The following SYNE1 variants were observed in gnomAD, a reference collection of about 807,000 sequenced individuals.
SYNE1 encodes the protein nesprin-1.
In SYNE1, 616 loss-of-function variants were observed where a neutral mutation model predicts 1,111.0. The ratio of observed to expected loss-of-function variants is 0.55; its 90% CI spans 0.52 to 0.59. The LOEUF (loss-of-function observed/expected upper bound fraction) is 0.59. Among genes scored for constraint, SYNE1 ranks in the 20% least tolerant of loss-of-function variants. The pLI is 0.00. For missense variants in SYNE1, 10,006 were observed against 10,417.0 expected, an observed-to-expected ratio of 0.96 and a Z score of 1.72; for synonymous variants, 3,855 against 3,825.8, an observed-to-expected ratio of 1.01 and a Z score of -0.28.
At position 152,376,532 on chromosome 6, in the gene SYNE1, C is replaced by G; in HGVS notation, c.9173G>C (p.Cys3058Ser). ...CTGTAAAATCTGTTCTTTATTCTGG[C>G]AGCCCTTGGATGCTTGCAAACAAAG... ...NCLCLQASKG[C>S]QNKEQILQQR... Residue 3058 changes from cysteine (C) to serine (S), a missense_variant, in exon 58 of 146, where the codon TGC (cysteine) becomes TCC (serine). By Grantham distance (112) the Cys-to-Ser change is moderately radical. Around this residue, in one of 7 missense-constraint regions of SYNE1, gnomAD observed 4,955 missense variants for 5,017.2 expected, o/e 0.99. Coordinates refer to ENST00000367255, the MANE Select transcript of SYNE1 (RefSeq NM_182961.4). The G allele has an allele frequency of 1.2e-6, 2 of 1,614,056 alleles. No homozygotes were observed. Among genetic ancestry groups the G allele is most frequent in the Non-Finnish European group, 1.7e-6 (2 of 1,180,028 alleles).
At position 152,381,039 on chromosome 6, in the gene SYNE1, A is replaced by C. The variant is rs1356916168; in HGVS notation, c.8976T>G (p.Asp2992Glu). 1 of 1,614,088 alleles carries C rather than the reference A, an allele frequency of 6.2e-7. No individual in the cohort carries two copies. Among genetic ancestry groups the C allele is most frequent in the South Asian group, 1.1e-5 (1 of 91,086 alleles). Residue 2992 changes from aspartate (D) to glutamate (E), a missense_variant, in exon 56 of 146, where the codon GAT becomes GAG. Asp to Glu is a conservative substitution (Grantham distance 45). Transcript: ENST00000367255. ...TGTGCCAGCATTCCACTATCTCCTC[A>C]TCCGTGTTCTTGCCTTCCAGGAGGG... ...QLTLLEGKNT[D>E]EEIVECWHKG...
intron 3 of SYNE1, among the ~76,000 whole-genome samples, chr6:152,626,712 C>T (rs566504800): frequency 6.6e-6 from 1 of 152,312 alleles, no homozygotes; most frequent in Admixed American, 6.5e-5. Context: ...TGAAGCATCA[C>T]AAACCAGTCC....
In SYNE1 at chr6:152,244,589, C is replaced by G; in HGVS notation, c.19640G>C (p.Gly6547Ala). Reference sequence around the variant, plus strand: ...CGGCTGCTCGACCTGTAGCTTGTCACCACGCCTCTTTAATTCAATGATTCC... The same window carrying G: ...CGGCTGCTCGACCTGTAGCTTGTCAGCACGCCTCTTTAATTCAATGATTCC... ...DAGIIELKRR[G>A]DKLQVEQPSM... The change falls in exon 106 of 146, where the codon GGT becomes GCT. Residue 6547 changes from glycine (G) to alanine (A), a missense_variant. Gly to Ala is a moderately conservative substitution (Grantham distance 60, BLOSUM62 0). Coordinates refer to ENST00000367255, the MANE Select transcript of SYNE1 (RefSeq NM_182961.4). 6.2e-7 allele frequency: 1 copy of G among 1,614,086 alleles called. No homozygotes were observed. Among genetic ancestry groups the G allele is most frequent in the East Asian group, 2.2e-5 (1 of 44,876 alleles).
At chr6:152,357,725 C>T (rs978204386) in intron 66 of SYNE1, among the ~76,000 whole-genome samples, 4 of 152,150 alleles carry the variant, frequency 2.6e-5, no homozygotes, top group Non-Finnish European at 4.4e-5. Flanking sequence ...GAAATCATAT[C>T]TTAATCATCT....
At chr6:152,171,764 T>C (rs991834445) in intron 130 of SYNE1, among the ~76,000 whole-genome samples, 6 of 152,192 alleles carry the variant, frequency 3.9e-5, no homozygotes, top group Non-Finnish European at 7.3e-5. Context: ...AGGCCACCTG[T>C]TTTGGTAAAC....
intron 3 of SYNE1, among the ~76,000 whole-genome samples, chr6:152,616,295 C>T (rs117042040): frequency 3.3e-5 from 5 of 152,196 alleles, no homozygotes; most frequent in Non-Finnish European, 2.9e-5. Flanking sequence ...AGTGTTGGGC[C>T]GGGCACGGTC....
At chr6:152,608,177 T>C (rs28488228) in intron 3 of SYNE1, among the ~76,000 whole-genome samples, 1 of 151,598 alleles carries the variant, frequency 6.6e-6, no homozygotes. Flanking sequence ...AATAAATAAA[T>C]AATAAAAAAC....
intron 3 of SYNE1, among the ~76,000 whole-genome samples, chr6:152,558,198 A>G (rs573652312): frequency 6.6e-6 from 1 of 152,298 alleles, no homozygotes; most frequent in South Asian, 2.1e-4. Flanking sequence ...ATCTGTAAGT[A>G]GATACATAAA....
intron 74 of SYNE1, among the ~76,000 whole-genome samples, chr6:152,339,758 G>T (rs1029213426): frequency 6.6e-6 from 1 of 152,248 alleles, no homozygotes; most frequent in Non-Finnish European, 1.5e-5. Flanking sequence ...GCAAAGGTCC[G>T]TGAGTTGGTA....
intron 128 of SYNE1, among the ~76,000 whole-genome samples, chr6:152,184,909 A>T (rs1445079173): frequency 6.6e-6 from 1 of 152,156 alleles, no homozygotes; most frequent in Non-Finnish European, 1.5e-5. Flanking sequence ...CTTTGGATTC[A>T]GATGAACCCT....
At chr6:152,349,269 A>T (rs548571382) in intron 72 of SYNE1, among the ~76,000 whole-genome samples, 3 of 152,380 alleles carry the variant, frequency 2.0e-5, no homozygotes, top group Admixed American at 1.3e-4. Context: ...TGATAGATTT[A>T]AATAGTGCTT....
chr6:152,232,503 T>C (rs2083003427), intron 112 of SYNE1, among the ~76,000 whole-genome samples: 1 of 152,234 alleles, frequency 6.6e-6, no homozygotes, highest in Admixed American at 6.5e-5. Context: ...GTATAAACAT[T>C]AACTAATTAA....
chr6:152,277,751 T>G, intron 98 of SYNE1: 1 of 360,466 alleles, frequency 2.8e-6, no homozygotes, highest in Non-Finnish European at 5.3e-6. Context: ...GCTTATCTCA[T>G]TCCTCTATAT....
intron 106 of SYNE1, among the ~76,000 whole-genome samples, chr6:152,243,045 CA>C (rs1283548052): frequency 2.0e-5 from 3 of 152,148 alleles, no homozygotes; most frequent in Admixed American, 2.0e-4. Flanking sequence ...TTTTAAAGGA[CA>C]TGTAAAAGTG....
chr6:152,280,876 A>C (rs1308178116), intron 97 of SYNE1, among the ~76,000 whole-genome samples: 1 of 152,232 alleles, frequency 6.6e-6, no homozygotes, highest in Non-Finnish European at 1.5e-5. Flanking sequence ...TTCCTAAAGC[A>C]TTAAAAAATC....
chr6:152,369,460 G>A lies in SYNE1; in HGVS notation c.9651+11C>T, dbSNP rs762554940. The A allele has an allele frequency of 1.2e-5, 19 of 1,614,076 alleles. No individual in the cohort carries two copies. The highest frequency in any genetic ancestry group is 2.7e-5 in the African/African-American group (2 of 75,014). ...AGGTCAGATGGGGCTACGGGGAGGCGGGCTCATCACCTGGAGCTTCTGCTG... is the reference window on the plus strand; with the variant it reads ...AGGTCAGATGGGGCTACGGGGAGGCAGGCTCATCACCTGGAGCTTCTGCTG... On this transcript the variant is annotated intron_variant, in intron 60 of 145. Coordinates refer to ENST00000367255, the MANE Select transcript of SYNE1 (RefSeq NM_182961.4).
rs753505255 is a variant in SYNE1, at chr6:152,441,091, T to C, written c.4149+39A>G. 5 of 1,611,496 alleles carry C rather than the reference T, an allele frequency of 3.1e-6. No individual in the cohort carries two copies. In the East Asian group the frequency reaches 1.1e-4, roughly 36 times the overall value. On this transcript the variant is annotated intron_variant, in intron 32 of 145. Coordinates refer to ENST00000367255, the MANE Select transcript of SYNE1 (RefSeq NM_182961.4). ...AAATCATTTTGTTTGTTTTGCTTTG[T>C]TTTTTCTGAATATTGGGTACCAAGG...
intron 115 of SYNE1, among the ~76,000 whole-genome samples, chr6:152,229,900 T>C (rs2082373797): frequency 6.6e-6 from 1 of 152,166 alleles, no homozygotes; most frequent in Non-Finnish European, 1.5e-5. Context: ...TTATTAAACT[T>C]TTGGTGGTGA....
At chr6:152,391,145 C>G in intron 52 of SYNE1, 132 bp downstream of exon 52, 1 of 1,356,706 alleles carries the variant, frequency 7.4e-7, no homozygotes, top group Non-Finnish European at 1.0e-6. Context: ...CTTTTTTGCC[C>G]AATTTCTCCA....
Sources: gnomAD v4.1 joint callset for allele counts (sites outside exome capture counted in the v4.1 genomes callset) on GRCh38, gnomAD v4.1.1 for gene constraint, gnomAD v4.1.1 regional missense constraint, MANE v1.5 for transcripts, NCBI Gene and HGNC (gene_info 2026-07-23, HGNC 2026-07-21) for gene names.